Variants in PDE1A observed in about 807,000 individuals in gnomAD.
PDE1A encodes dual specificity calcium/calmodulin-dependent 3',5'-cyclic nucleotide phosphodiesterase 1A.
PDE1A carries 35 observed loss-of-function variants against 61.7 expected under a neutral mutation model. The ratio of observed to expected loss-of-function variants is 0.57; its 90% CI spans 0.43 to 0.75. PDE1A has a LOEUF of 0.75. PDE1A is among the 30% of genes least tolerant of loss of function. The pLI is 0.00. For missense variants in PDE1A, 597 were observed against 630.6 expected, an observed-to-expected ratio of 0.95 and a Z score of 0.57; for synonymous variants, 232 against 213.2, an observed-to-expected ratio of 1.09 and a Z score of -0.77.
intron 1 of PDE1A, among the ~76,000 whole-genome samples, chr2:182,271,298 C>A (rs1693004353): frequency 6.6e-6 from 1 of 151,006 alleles, no homozygotes; most frequent in Admixed American, 6.6e-5. Flanking sequence ...CTACCTTAAA[C>A]ATATACAACA....
At chr2:182,389,337 T>A (rs1389112656) in intron 1 of PDE1A, among the ~76,000 whole-genome samples, 1 of 152,088 alleles carries the variant, frequency 6.6e-6, no homozygotes, top group African/African-American at 2.4e-5. Flanking sequence ...ACTATATATC[T>A]GAAAAGGGTG....
the PDE1A span, among the ~76,000 whole-genome samples, chr2:182,708,909 T>A: frequency 6.6e-6 from 1 of 152,212 alleles, no homozygotes; most frequent in African/African-American, 2.4e-5. Flanking sequence ...ACTAAAGTGC[T>A]TAAAATAGTA....
At chr2:182,378,092 C>T (rs1036231475) in intron 1 of PDE1A, among the ~76,000 whole-genome samples, 46 of 152,230 alleles carry the variant, frequency 3.0e-4, no homozygotes, top group South Asian at 1.0e-3. Flanking sequence ...GTGATCCACC[C>T]GCCTCAGCCT....
chr2:182,405,631 G>T (rs1702255715), intron 1 of PDE1A, among the ~76,000 whole-genome samples: 1 of 152,074 alleles, frequency 6.6e-6, no homozygotes, highest in Non-Finnish European at 1.5e-5. Context: ...TGGGTGAAGG[G>T]GGCTGCTGGA....
At chr2:182,397,127 T>C (rs1701750001) in intron 1 of PDE1A, among the ~76,000 whole-genome samples, 1 of 152,192 alleles carries the variant, frequency 6.6e-6, no homozygotes, top group Admixed American at 6.5e-5. Context: ...CCTTTCTGCA[T>C]GCACTATTAC....
the PDE1A span, among the ~76,000 whole-genome samples, chr2:182,607,056 A>G: frequency 6.6e-6 from 1 of 152,284 alleles, no homozygotes; most frequent in African/African-American, 2.4e-5. Context: ...GGGGGGAAAA[A>G]AAAAGACAGG....
At chr2:182,318,229 A>T (rs982005139) in intron 1 of PDE1A, among the ~76,000 whole-genome samples, 1 of 152,146 alleles carries the variant, frequency 6.6e-6, no homozygotes, top group Non-Finnish European at 1.5e-5. Flanking sequence ...ACTAGCCAAG[A>T]ATTTCAATCC....
intron 13 of PDE1A, among the ~76,000 whole-genome samples, chr2:182,169,868 C>T (rs969000378): frequency 6.7e-6 from 1 of 150,134 alleles, no homozygotes; most frequent in Non-Finnish European, 1.5e-5. Context: ...CTTTTGTTGT[C>T]CATGCAAATA....
intron 2 of PDE1A, among the ~76,000 whole-genome samples, chr2:182,446,674 A>C (rs1685157553): frequency 6.6e-6 from 1 of 152,108 alleles, no homozygotes; most frequent in African/African-American, 2.4e-5. Context: ...TAACTTACCT[A>C]CATTACACAT....
chr2:182,580,860 A>G, the PDE1A span, among the ~76,000 whole-genome samples: 2 of 152,000 alleles, frequency 1.3e-5, no homozygotes, highest in South Asian at 4.2e-4. Context: ...AAGATAAGTA[A>G]TTTTTGTCCC....
intron 2 of PDE1A, among the ~76,000 whole-genome samples, chr2:182,446,387 A>AC (rs1685135254): frequency 6.6e-6 from 1 of 152,100 alleles, no homozygotes. Flanking sequence ...CATGCTGTTT[A>AC]CCCCAAATAA....
intron 1 of PDE1A, among the ~76,000 whole-genome samples, chr2:182,317,881 C>T (rs1030086567): frequency 6.6e-6 from 1 of 152,074 alleles, no homozygotes; most frequent in Non-Finnish European, 1.5e-5. Context: ...AAACAAATCA[C>T]TTTTTTGTAA....
At chr2:182,502,334 TTGTG>T (rs1039915112) in intron 2 of PDE1A, among the ~76,000 whole-genome samples, 31 of 130,222 alleles carry the variant, frequency 2.4e-4, no homozygotes, top group African/African-American at 8.0e-4. Context: ...GTGTGTGTGT[TTGTG>T]TGTGTGTCTG....
At chr2:182,410,884 T>TC (rs778885013) in intron 1 of PDE1A, among the ~76,000 whole-genome samples, 3 of 152,222 alleles carry the variant, frequency 2.0e-5, no homozygotes, top group Non-Finnish European at 4.4e-5. Context: ...CTCCTCAATG[T>TC]CACTCTAATA....
the PDE1A span, among the ~76,000 whole-genome samples, chr2:182,662,329 T>A: frequency 7.5e-5 from 8 of 106,262 alleles, no homozygotes; most frequent in African/African-American, 1.8e-4. Flanking sequence ...GCTTAAAAAT[T>A]GAAAAAAAAA....
At chr2:182,581,863 A>G in the PDE1A span, among the ~76,000 whole-genome samples, 1 of 152,116 alleles carries the variant, frequency 6.6e-6, no homozygotes, top group Non-Finnish European at 1.5e-5. Context: ...CTTCTGTATC[A>G]CCTGGGGGAG....
chr2:182,313,914 C>T (rs1473289464), intron 1 of PDE1A, among the ~76,000 whole-genome samples: 3 of 152,114 alleles, frequency 2.0e-5, no homozygotes, highest in African/African-American at 4.8e-5. Context: ...TGAGGTAGAG[C>T]AACTTGAAAC....
the PDE1A span, among the ~76,000 whole-genome samples, chr2:182,683,438 A>G: frequency 6.6e-6 from 1 of 152,138 alleles, no homozygotes; most frequent in Admixed American, 6.5e-5. Flanking sequence ...TAAATGTGGA[A>G]AAAGATAAAA....
intron 2 of PDE1A, among the ~76,000 whole-genome samples, chr2:182,472,404 T>G (rs1294154971): frequency 1.3e-5 from 2 of 151,992 alleles, no homozygotes; most frequent in African/African-American, 4.8e-5. Context: ...TCATGTCTTT[T>G]GCAGCAACAC....
Sources: gnomAD v4.1 joint callset for allele counts (sites outside exome capture counted in the v4.1 genomes callset) on GRCh38, gnomAD v4.1.1 for gene constraint, MANE v1.5 for transcripts, NCBI Gene and HGNC (gene_info 2026-07-23, HGNC 2026-07-21) for gene names.